The following CASR variants were observed in gnomAD, a reference collection of about 807,000 sequenced individuals.
CASR encodes the protein extracellular calcium-sensing receptor.
Under a neutral mutation model 69.1 loss-of-function variants are expected in CASR, and 23 were observed. The observed-to-expected ratio is 0.33, with a 90% confidence interval of 0.24 to 0.47. CASR has a LOEUF of 0.47. Ranked by LOEUF, CASR falls within the 20% of genes least tolerant of loss-of-function variation. The pLI, the probability that CASR is intolerant of heterozygous loss-of-function variation, is 1.00. For missense variants in CASR, 924 were observed against 1,356.1 expected (o/e 0.68, Z 5.00); for synonymous variants, 541 against 544.7 (o/e 0.99, Z 0.10).
intron 1 of CASR, among the ~76,000 whole-genome samples, chr3:122,241,683 G>A (rs2074380387): frequency 6.6e-6 from 1 of 152,068 alleles, no homozygotes; most frequent in Non-Finnish European, 1.5e-5. Context: ...TATGAGGCCA[G>A]TAGTACCCTG....
chr3:122,214,694 T>A (rs1261923134), intron 1 of CASR, among the ~76,000 whole-genome samples: 2 of 152,228 alleles, frequency 1.3e-5, no homozygotes, highest in Non-Finnish European at 1.5e-5. Flanking sequence ...TAGACTCTAA[T>A]GGCTAGAATT....
At chr3:122,229,850 AGTGAGACTC>A (rs2074263086) in intron 1 of CASR, among the ~76,000 whole-genome samples, 1 of 152,198 alleles carries the variant, frequency 6.6e-6, no homozygotes, top group Admixed American at 6.5e-5. Context: ...TGGGCAACAG[AGTGAGACTC>A]TGTTTTAAAT....
rs960068789 is a variant in CASR at position 122,288,594 on chromosome 3, A to G, written c.*3403A>G. On this transcript the variant is annotated 3_prime_UTR_variant, in exon 7 of 7. Coordinates refer to ENST00000639785, the MANE Select transcript of CASR (RefSeq NM_000388.4). The stretch of plus-strand genomic sequence containing the variant: ...CCCCTCTAATATTCTATTCCTCTAC[A>G]TCTGCTTGGGAAAGTATAAACCTCA... 2.0e-4 allele frequency: 31 copies of G among 151,606 alleles called. No homozygotes were observed. The highest frequency in any genetic ancestry group is 7.3e-4 in the African/African-American group (30 of 41,202). 9.4% of individuals were successfully genotyped at this position (151,606 alleles called of 1,614,324 possible).
chr3:122,218,705 T>C (rs530885835), intron 1 of CASR, among the ~76,000 whole-genome samples: 1 of 152,306 alleles, frequency 6.6e-6, no homozygotes, highest in Admixed American at 6.5e-5. Context: ...AGGATTAAAC[T>C]GTGAACAAAA....
Position 122,289,610 on chromosome 3 carries a change from C to A in CASR, c.*4419C>A, listed in dbSNP as rs1196066831. 1 of 152,460 alleles carries A rather than the reference C, an allele frequency of 6.6e-6. No homozygotes were observed. Among genetic ancestry groups the A allele is most frequent in the Non-Finnish European group, 1.5e-5 (1 of 68,250 alleles). 9.4% of individuals were successfully genotyped at this position (152,460 alleles called of 1,614,324 possible). A position where few individuals can be genotyped will look rare whatever the true frequency, so the allele number is the denominator to read the frequency against. On this transcript the variant is annotated 3_prime_UTR_variant, in exon 7 of 7. Transcript: ENST00000639785. ...AACAGGGCAGGAAGCCGGGCAGAGCCAGCATGAAGGTGCCTCTGGGAACTG... is the reference window on the plus strand; with the variant it reads ...AACAGGGCAGGAAGCCGGGCAGAGCAAGCATGAAGGTGCCTCTGGGAACTG...
intron 1 of CASR, among the ~76,000 whole-genome samples, chr3:122,237,258 C>T (rs2074337593): frequency 6.6e-6 from 1 of 151,914 alleles, no homozygotes; most frequent in Non-Finnish European, 1.5e-5. Context: ...TACAGGAGTG[C>T]ACCACCACGC....
At chr3:122,272,538 C>T (rs1337942510) in intron 4 of CASR, among the ~76,000 whole-genome samples, 2 of 152,182 alleles carry the variant, frequency 1.3e-5, no homozygotes. Context: ...TCATTTCAGC[C>T]CTTTTAAATT....
At position 122,252,446 on chromosome 3, in the gene CASR, A is replaced by AAAGAAAGAAAGAAAGAAAG. The variant is rs1171805148; in HGVS notation, c.-242-1500_-242-1499insGAAAGAAAGAAAGAAAGAA. Among the ~76,000 whole-genome samples the AAAGAAAGAAAGAAAGAAAG allele has an allele frequency of 2.4e-4, 24 of 98,806 alleles. 1 individual carries two copies. The highest frequency in any genetic ancestry group is 8.7e-4 in the African/African-American group (20 of 22,958). 64.8% of individuals were successfully genotyped at this position (98,806 alleles called of 152,430 possible). ...GAAAGAAAGAAAGAAAGAAAGAAAG[A>AAAGAAAGAAAGAAAGAAAG]AAAAAAAGAAAAGAAAGAAAAGAAA... is the stretch of plus-strand genomic sequence containing the variant. On this transcript the variant is annotated intron_variant, in intron 1 of 6. Coordinates refer to ENST00000639785, the MANE Select transcript of CASR (RefSeq NM_000388.4).
intron 1 of CASR, among the ~76,000 whole-genome samples, chr3:122,194,084 C>T (rs1179000782): frequency 6.6e-6 from 1 of 152,114 alleles, no homozygotes; most frequent in Admixed American, 6.5e-5. Flanking sequence ...GTACACATCC[C>T]GTGCTCTCCA....
intron 1 of CASR, among the ~76,000 whole-genome samples, chr3:122,203,488 T>C (rs2107589633): frequency 6.6e-6 from 1 of 152,302 alleles, no homozygotes; most frequent in Middle Eastern, 3.4e-3. Flanking sequence ...TTGTGGGCAG[T>C]TGTAACACAG....
chr3:122,277,947 A>C (rs1422369749), intron 5 of CASR, among the ~76,000 whole-genome samples: 1 of 152,204 alleles, frequency 6.6e-6, no homozygotes. Flanking sequence ...TATAAGTTAA[A>C]TCTAATTTTT....
intron 1 of CASR, among the ~76,000 whole-genome samples, chr3:122,221,502 T>C (rs1252517831): frequency 3.2e-4 from 49 of 152,160 alleles, no homozygotes; most frequent in Non-Finnish European, 4.4e-5. Context: ...TCAACAAATA[T>C]GAAAAAATGA....
At position 122,287,688 on chromosome 3, in the gene CASR, G is replaced by A. The variant is rs2074982050; in HGVS notation, c.*2497G>A. On this transcript the variant is annotated 3_prime_UTR_variant, in exon 7 of 7. Transcript: ENST00000639785. ...TCTGGCCTTCGCTGGCGTGCTCTGA[G>A]GCATTGTATCCTCATCTGGTCCCAT... The A allele has an allele frequency of 6.6e-6, 1 of 152,328 alleles. No individual in the cohort carries two copies. Among genetic ancestry groups the A allele is most frequent in the Non-Finnish European group, 1.5e-5 (1 of 68,136 alleles). The allele number at this position is 152,328 out of a possible 1,614,324, so 9.4% of individuals were successfully genotyped here.
At chr3:122,237,112 C>CTT (rs59408184) in intron 1 of CASR, among the ~76,000 whole-genome samples, 2 of 96,188 alleles carry the variant, frequency 2.1e-5, no homozygotes, top group African/African-American at 7.6e-5. Flanking sequence ...AGTACTTATG[C>CTT]TTTTTTTTTT....
At chr3:122,196,760 A>G (rs951406536) in intron 1 of CASR, among the ~76,000 whole-genome samples, 1 of 151,978 alleles carries the variant, frequency 6.6e-6, no homozygotes, top group Admixed American at 6.6e-5. Context: ...GATGGTGGTT[A>G]TTTTTTTAAT....
At chr3:122,216,365 G>C (rs1005105189) in intron 1 of CASR, among the ~76,000 whole-genome samples, 4 of 152,204 alleles carry the variant, frequency 2.6e-5, no homozygotes, top group Non-Finnish European at 5.9e-5. Flanking sequence ...GCAGGACACA[G>C]TTTGAATCAC....
chr3:122,208,625 C>A (rs971532787), intron 1 of CASR, among the ~76,000 whole-genome samples: 1 of 152,148 alleles, frequency 6.6e-6, no homozygotes, highest in Non-Finnish European at 1.5e-5. Context: ...TTTCCTTCAA[C>A]TCCCAGCTTG....
chr3:122,225,453 A>G (rs1432692684), intron 1 of CASR, among the ~76,000 whole-genome samples: 1 of 151,882 alleles, frequency 6.6e-6, no homozygotes, highest in Non-Finnish European at 1.5e-5. Context: ...GGCCAAATGT[A>G]TGGAAAAATG....
At chr3:122,203,948 C>T (rs4678044) in intron 1 of CASR, among the ~76,000 whole-genome samples, 25,266 of 151,224 alleles carry the variant, frequency 0.17, 2,149 homozygotes, top group African/African-American at 0.19. Context: ...GTTTATTTTC[C>T]GTTTTTTCAT....
Sources: gnomAD v4.1 joint callset for allele counts (sites outside exome capture counted in the v4.1 genomes callset) on GRCh38, gnomAD v4.1.1 for gene constraint, MANE v1.5 for transcripts, NCBI Gene and HGNC (gene_info 2026-07-23, HGNC 2026-07-21) for gene names.